Variants in PDSS1 observed in about 807,000 individuals in gnomAD.
PDSS1 encodes all trans-polyprenyl-diphosphate synthase PDSS1.
Under a neutral mutation model 57.5 loss-of-function variants are expected in PDSS1, and 43 were observed. The ratio of observed to expected loss-of-function variants is 0.75; its 90% CI spans 0.59 to 0.96. The LOEUF (loss-of-function observed/expected upper bound fraction) is 0.96, where lower values mean the gene tolerates loss of function less well. Among genes scored for constraint, PDSS1 ranks in the 50% least tolerant of loss-of-function variants. The pLI, the probability that PDSS1 is intolerant of heterozygous loss-of-function variation, is 0.00. For synonymous variants in PDSS1, 175 were observed against 191.3 expected, an observed-to-expected ratio of 0.91 and a Z score of 0.70; for missense variants, 438 against 527.8, an observed-to-expected ratio of 0.83 and a Z score of 1.67.
At chr10:26,699,690 C>G (rs960222514) in intron 1 of PDSS1, among the ~76,000 whole-genome samples, 34 of 152,304 alleles carry the variant, frequency 2.2e-4, no homozygotes, top group African/African-American at 7.0e-4. Context: ...AGCCACCACG[C>G]CTGGCCTGAC....
intron 8 of PDSS1, among the ~76,000 whole-genome samples, chr10:26,731,166 C>G (rs938324526): frequency 2.0e-5 from 3 of 152,104 alleles, no homozygotes; most frequent in Non-Finnish European, 2.9e-5. Flanking sequence ...CATGGTGGAA[C>G]CCCATCTCTA....
chr10:26,722,041 C>T (rs1261465935), intron 6 of PDSS1, among the ~76,000 whole-genome samples: 1 of 152,160 alleles, frequency 6.6e-6, no homozygotes, highest in African/African-American at 2.4e-5. Context: ...CCTTTAACTC[C>T]CACCCCTGGC....
At chr10:26,708,705 C>A (rs1835323100) in intron 4 of PDSS1, among the ~76,000 whole-genome samples, 1 of 152,042 alleles carries the variant, frequency 6.6e-6, no homozygotes, top group Admixed American at 6.6e-5. Flanking sequence ...TTGGCTGTGG[C>A]CTTACTATCT....
chr10:26,730,089 T>G (rs547691584), intron 8 of PDSS1, among the ~76,000 whole-genome samples: 1 of 151,612 alleles, frequency 6.6e-6, no homozygotes, highest in South Asian at 2.1e-4. Flanking sequence ...ATTTTTTGTA[T>G]TTTTAGTAGA....
Position 26,705,340 on chromosome 10 carries a change from T to C in PDSS1, c.282T>C (p.Asp94=). 1 of 1,613,260 alleles carries C rather than the reference T, an allele frequency of 6.2e-7. No individual in the cohort carries two copies. ...SKTHSGEKYT[D]PFKLGWRDLK... is the part of the protein sequence containing the mutation. The stretch of plus-strand genomic sequence containing the variant: ...CACACAGTGGTGAAAAATACACCGA[T>C]CCTTTCAAACTCGGTTGGAGAGACT... Residue 94 remains aspartate, a synonymous_variant, in exon 4 of 12, where the codon GAT becomes GAC. Coordinates refer to ENST00000376215, the MANE Select transcript of PDSS1 (RefSeq NM_014317.5).
rs1432762589 is a variant in PDSS1 at position 26,712,804 on chromosome 10, C to T, written c.467+3036C>T. ...CCATCCATGTTCAGTGCCAAGAGAG[C>T]CCCTCCAGCCTCAGTGGCCCCAGAT... On this transcript the variant is annotated intron_variant, in intron 5 of 11. Transcript: ENST00000376215. 2.0e-5 allele frequency among the ~76,000 whole-genome samples: 2 copies of T among 98,092 alleles called. 1 individual carries two copies. The highest frequency in any genetic ancestry group is 4.7e-5 in the Non-Finnish European group (2 of 42,294). 64.4% of individuals were successfully genotyped at this position (98,092 alleles called of 152,430 possible).
At chr10:26,730,672 A>C (rs1021516112) in intron 8 of PDSS1, among the ~76,000 whole-genome samples, 1 of 152,090 alleles carries the variant, frequency 6.6e-6, no homozygotes, top group Non-Finnish European at 1.5e-5. Flanking sequence ...AGAACTATAC[A>C]ATACAGTAAC....
chr10:26,743,366 C>T (rs1403881813), intron 11 of PDSS1, among the ~76,000 whole-genome samples: 1 of 152,174 alleles, frequency 6.6e-6, no homozygotes, highest in East Asian at 1.9e-4. Context: ...GAGATCTGTA[C>T]TTAGTGTAGT....
At chr10:26,723,715 C>A in intron 6 of PDSS1, 91 bp from the exon 7 acceptor site, 1 of 877,562 alleles carries the variant, frequency 1.1e-6, no homozygotes, top group Non-Finnish European at 2.0e-6. Flanking sequence ...CCCCCACTTC[C>A]ACGAAGCTCC....
chr10:26,730,144 C>T (rs1836127428), intron 8 of PDSS1, among the ~76,000 whole-genome samples: 1 of 151,636 alleles, frequency 6.6e-6, no homozygotes, highest in Non-Finnish European at 1.5e-5. Context: ...GATCTCCTGA[C>T]CTCGTGATCC....
At chr10:26,701,498 A>T (rs557264820) in intron 1 of PDSS1, among the ~76,000 whole-genome samples, 1 of 152,340 alleles carries the variant, frequency 6.6e-6, no homozygotes, top group African/African-American at 2.4e-5. Flanking sequence ...CGTAGCTAAA[A>T]GGGGCCAAGG....
chr10:26,707,673 C>T (rs997402489), intron 4 of PDSS1, among the ~76,000 whole-genome samples: 1 of 152,142 alleles, frequency 6.6e-6, no homozygotes, highest in Non-Finnish European at 1.5e-5. Flanking sequence ...CGTGGGCCCC[C>T]TCCTCTCTCT....
At chr10:26,706,161 T>G (rs1186736062) in intron 4 of PDSS1, among the ~76,000 whole-genome samples, 1 of 152,082 alleles carries the variant, frequency 6.6e-6, no homozygotes, top group Non-Finnish European at 1.5e-5. Flanking sequence ...CCCACCAATT[T>G]AGGAGGCCAA....
chr10:26,705,037 A>G (rs1292843774), intron 3 of PDSS1, among the ~76,000 whole-genome samples: 1 of 152,200 alleles, frequency 6.6e-6, no homozygotes, highest in Non-Finnish European at 1.5e-5. Context: ...CCAGAGCACA[A>G]TGAACATAGT....
At chr10:26,712,628 C>T (rs1189799005) in intron 5 of PDSS1, among the ~76,000 whole-genome samples, 2 of 99,240 alleles carry the variant, frequency 2.0e-5, no homozygotes, top group East Asian at 5.0e-4. Context: ...GGATCGGGCA[C>T]TTAAAGGACT....
intron 1 of PDSS1, among the ~76,000 whole-genome samples, chr10:26,699,694 G>T (rs999947705): frequency 6.6e-6 from 1 of 152,098 alleles, no homozygotes; most frequent in African/African-American, 2.4e-5. Context: ...ACCACGCCTG[G>T]CCTGACACTT....
chr10:26,725,383 C>A (rs921763442), intron 8 of PDSS1, among the ~76,000 whole-genome samples: 15 of 152,154 alleles, frequency 9.9e-5, no homozygotes, highest in Admixed American at 2.6e-4. Context: ...TGAGGACAAT[C>A]TTTTCTTCCT....
chr10:26,716,818 G>A lies in PDSS1; in HGVS notation c.468-3400G>A, dbSNP rs79459336. Reference sequence around the variant, plus strand: ...GACGTAGCCAACTCTCAAGACCAAGGGCTTCATTTTCCATGCTACCTTGCC... The same window carrying A: ...GACGTAGCCAACTCTCAAGACCAAGAGCTTCATTTTCCATGCTACCTTGCC... On this transcript the variant is annotated intron_variant, in intron 5 of 11. Transcript: ENST00000376215. Among the ~76,000 whole-genome samples the A allele has an allele frequency of 9.4e-3, 1,427 of 152,250 alleles. 85 individuals carry two copies. The South Asian group carries it at 0.16, about 17-fold the overall frequency.
chr10:26,717,021 T>G (rs1835604955), intron 5 of PDSS1, among the ~76,000 whole-genome samples: 2 of 152,178 alleles, frequency 1.3e-5, no homozygotes, highest in African/African-American at 2.4e-5. Context: ...ACCCTCATGT[T>G]ATGGATAAGC....
Sources: gnomAD v4.1 joint callset for allele counts (sites outside exome capture counted in the v4.1 genomes callset) on GRCh38, gnomAD v4.1.1 for gene constraint, MANE v1.5 for transcripts, NCBI Gene and HGNC (gene_info 2026-07-23, HGNC 2026-07-21) for gene names.